The following PLEKHM3 variants were observed in gnomAD, a reference collection of about 807,000 sequenced individuals.
PLEKHM3 encodes the protein pleckstrin homology domain-containing family M member 3.
PLEKHM3 carries 45 observed loss-of-function variants against 81.8 expected under a neutral mutation model. That is an observed-to-expected ratio of 0.55 (90% CI 0.43 to 0.71). PLEKHM3 has a LOEUF of 0.71. PLEKHM3 is among the 30% of genes least tolerant of loss of function. PLEKHM3 has a pLI of 0.00. For missense variants in PLEKHM3, 788 were observed against 924.3 expected, an observed-to-expected ratio of 0.85 and a Z score of 1.91; for synonymous variants, 352 against 356.4, an observed-to-expected ratio of 0.99 and a Z score of 0.14.
intron 2 of PLEKHM3, among the ~76,000 whole-genome samples, chr2:207,989,874 T>C (rs916591343): frequency 6.6e-6 from 1 of 152,218 alleles, no homozygotes; most frequent in Non-Finnish European, 1.5e-5. Context: ...CAAGCATCAC[T>C]GGATAGCCAG....
At chr2:207,912,593 T>G (rs539625432) in intron 5 of PLEKHM3, among the ~76,000 whole-genome samples, 1 of 152,186 alleles carries the variant, frequency 6.6e-6, no homozygotes, top group Non-Finnish European at 1.5e-5. Flanking sequence ...GCCAATCACC[T>G]TTTTTTCTCC....
In PLEKHM3 at chr2:207,832,508, T is replaced by C. The variant is rs185740188; in HGVS notation, c.2109-4012A>G. 2.1e-3 allele frequency among the ~76,000 whole-genome samples: 318 copies of C among 152,338 alleles called. 1 individual carries two copies. The highest frequency in any genetic ancestry group is 0.02 in the Middle Eastern group (6 of 294). ...TATTTTTTCACTTTAAAAAAATTCA[T>C]TGGCCGGGTGCAGTGGCTCATGCCT... On this transcript the variant is annotated intron_variant, in intron 7 of 7. Coordinates refer to ENST00000427836, the MANE Select transcript of PLEKHM3 (RefSeq NM_001080475.3).
chr2:208,015,232 T>G (rs1049533785), intron 1 of PLEKHM3, among the ~76,000 whole-genome samples: 6 of 152,160 alleles, frequency 3.9e-5, no homozygotes, highest in Non-Finnish European at 8.8e-5. Flanking sequence ...GGAAATATGG[T>G]CAGTGAGTAG....
rs571952318 is a variant in PLEKHM3, at chr2:207,845,832, C to G, written c.2108+15273G>C. ...GTGAGCAAAATATAAAAAGTCTATTCCCTCATGGAGCTTACATTATTTCAA... is the reference window on the plus strand; with the variant it reads ...GTGAGCAAAATATAAAAAGTCTATTGCCTCATGGAGCTTACATTATTTCAA... On this transcript the variant is annotated intron_variant, in intron 7 of 7. Transcript: ENST00000427836. 1.6e-3 allele frequency among the ~76,000 whole-genome samples: 244 copies of G among 152,246 alleles called. 3 individuals are homozygous for G. Among genetic ancestry groups the G allele is most frequent in the Non-Finnish European group, 4.3e-4 (29 of 68,010 alleles).
chr2:207,840,774 A>T (rs1182721744), intron 7 of PLEKHM3, among the ~76,000 whole-genome samples: 1 of 147,674 alleles, frequency 6.8e-6, no homozygotes, highest in East Asian at 2.0e-4. Flanking sequence ...TACCTATAGA[A>T]TTTTAAGCAT....
At chr2:207,965,540 A>G (rs1413176282) in intron 3 of PLEKHM3, among the ~76,000 whole-genome samples, 1 of 152,228 alleles carries the variant, frequency 6.6e-6, no homozygotes, top group Non-Finnish European at 1.5e-5. Flanking sequence ...AATACCAGGA[A>G]TAAATCAAAA....
At chr2:207,943,924 A>G (rs1690034139) in intron 4 of PLEKHM3, among the ~76,000 whole-genome samples, 1 of 151,786 alleles carries the variant, frequency 6.6e-6, no homozygotes, top group African/African-American at 2.4e-5. Context: ...ACCAATTTAT[A>G]TATTTTGAAG....
At chr2:207,947,201 T>C (rs2105970248) in intron 3 of PLEKHM3, among the ~76,000 whole-genome samples, 1 of 152,326 alleles carries the variant, frequency 6.6e-6, no homozygotes, top group African/African-American at 2.4e-5. Context: ...CTCTCCTCAT[T>C]GTTCCCCAAA....
rs751293954 is a variant in PLEKHM3 at position 207,858,180 on chromosome 2, A to ATATT, written c.2108+2924_2108+2925insAATA. ...TGTGTGTGTGTGTGTGTGTGTATATATTTTTTTTTTTGAGATGAAGTCTCA... is the reference window on the plus strand; with the variant it reads ...TGTGTGTGTGTGTGTGTGTGTATATATATTTTTTTTTTTTTGAGATGAAGTCTCA... On this transcript the variant is annotated intron_variant, in intron 7 of 7. Coordinates refer to ENST00000427836, the MANE Select transcript of PLEKHM3 (RefSeq NM_001080475.3). Among the ~76,000 whole-genome samples, 562 of 103,844 alleles carry ATATT rather than the reference A, an allele frequency of 5.4e-3. 15 individuals carry two copies. The highest frequency in any genetic ancestry group is 0.018 in the African/African-American group (483 of 26,922). The allele number at this position is 103,844 out of a possible 152,430, so 68.1% of individuals were successfully genotyped here. A position where few individuals can be genotyped will look rare whatever the true frequency, so the allele number is the denominator to read the frequency against.
chr2:208,000,797 T>C (rs1692271004), intron 2 of PLEKHM3, among the ~76,000 whole-genome samples: 1 of 152,006 alleles, frequency 6.6e-6, no homozygotes, highest in African/African-American at 2.4e-5. Flanking sequence ...AAATACCTCT[T>C]AGGAAGATAA....
At chr2:207,932,574 C>A (rs1371728471) in intron 4 of PLEKHM3, among the ~76,000 whole-genome samples, 2 of 152,132 alleles carry the variant, frequency 1.3e-5, no homozygotes, top group East Asian at 3.9e-4. Context: ...ATATAGGATA[C>A]AGTTCCTTCC....
At chr2:207,854,401 A>AC (rs2092427924) in intron 7 of PLEKHM3, among the ~76,000 whole-genome samples, 3 of 152,208 alleles carry the variant, frequency 2.0e-5, no homozygotes, top group African/African-American at 7.2e-5. Flanking sequence ...CAAATCCCAG[A>AC]CATTGTATTA....
Position 207,891,334 on chromosome 2 carries a change from T to C in PLEKHM3, c.1950+17180A>G, listed in dbSNP as rs76221300. On this transcript the variant is annotated intron_variant, in intron 6 of 7. Transcript: ENST00000427836. ...GCATTCACTATATGCCAAACTCTTC[T>C]AAGCATTGTACATATTTGTAACTCA... Among the ~76,000 whole-genome samples the C allele has an allele frequency of 6.8e-3, 1,043 of 152,366 alleles. 15 individuals are homozygous for C. The highest frequency in any genetic ancestry group is 0.024 in the African/African-American group (995 of 41,582).
chr2:207,857,829 C>T lies in PLEKHM3; in HGVS notation c.2108+3276G>A, dbSNP rs978631019. 3.3e-5 allele frequency among the ~76,000 whole-genome samples: 5 copies of T among 151,448 alleles called. No individual in the cohort carries two copies. The East Asian group carries it at 9.8e-4, about 30-fold the overall frequency. ...TTTCTGTTTACTATTTCATTGATAT[C>T]GGCTCTAATCTTTATTCTTTCCTTC... On this transcript the variant is annotated intron_variant, in intron 7 of 7. Transcript: ENST00000427836.
chr2:207,860,670 A>T (rs940331600), intron 7 of PLEKHM3, among the ~76,000 whole-genome samples: 1 of 152,142 alleles, frequency 6.6e-6, no homozygotes, highest in Non-Finnish European at 1.5e-5. Context: ...CTGCGGAGAA[A>T]AGCACATGGC....
intron 3 of PLEKHM3, among the ~76,000 whole-genome samples, chr2:207,958,035 C>T (rs1373004024): frequency 6.6e-6 from 1 of 152,150 alleles, no homozygotes; most frequent in Admixed American, 6.5e-5. Flanking sequence ...TCAATAACGC[C>T]ACTGTTGGAA....
chr2:207,849,028 A>G (rs1307873440), intron 7 of PLEKHM3, among the ~76,000 whole-genome samples: 2 of 152,180 alleles, frequency 1.3e-5, no homozygotes, highest in Non-Finnish European at 2.9e-5. Context: ...GATGTAGAAA[A>G]TATTCTTTAA....
chr2:207,862,657 G>T (rs1248544696), intron 6 of PLEKHM3, among the ~76,000 whole-genome samples: 1 of 151,628 alleles, frequency 6.6e-6, no homozygotes, highest in African/African-American at 2.4e-5. Flanking sequence ...AAAAGAAAAA[G>T]AAAAAAATAG....
At chr2:208,020,650 T>C (rs1298997048) in intron 1 of PLEKHM3, among the ~76,000 whole-genome samples, 1 of 152,180 alleles carries the variant, frequency 6.6e-6, no homozygotes, top group Non-Finnish European at 1.5e-5. Flanking sequence ...CAAGCTAGGA[T>C]GTAGTTCAGT....
Sources: gnomAD v4.1 joint callset for allele counts (sites outside exome capture counted in the v4.1 genomes callset) on GRCh38, gnomAD v4.1.1 for gene constraint, MANE v1.5 for transcripts, NCBI Gene and HGNC (gene_info 2026-07-23, HGNC 2026-07-21) for gene names.